PKNOX2: variants seen among roughly 807,000 people sequenced by gnomAD.
PKNOX2 encodes the protein homeobox protein PKNOX2.
Under a neutral mutation model 53.1 loss-of-function variants are expected in PKNOX2, and 14 were observed. That is an observed-to-expected ratio of 0.26 (90% CI 0.17 to 0.41). The LOEUF (loss-of-function observed/expected upper bound fraction) is 0.41, where lower values mean the gene tolerates loss of function less well. Among genes scored for constraint, PKNOX2 ranks in the 10% least tolerant of loss-of-function variants. PKNOX2 has a pLI of 1.00. For synonymous variants in PKNOX2, 257 were observed against 242.8 expected, an observed-to-expected ratio of 1.06 and a Z score of -0.54; for missense variants, 496 against 602.8, an observed-to-expected ratio of 0.82 and a Z score of 1.85.
intron 2 of PKNOX2, among the ~76,000 whole-genome samples, chr11:125,292,607 T>C (rs1947372229): frequency 6.6e-6 from 1 of 152,198 alleles, no homozygotes; most frequent in Non-Finnish European, 1.5e-5. Flanking sequence ...GGGTTCCTAG[T>C]GGGTGCTGCA....
chr11:125,332,327 C>T (rs1419903305), intron 3 of PKNOX2, among the ~76,000 whole-genome samples: 1 of 151,986 alleles, frequency 6.6e-6, no homozygotes, highest in Non-Finnish European at 1.5e-5. Context: ...AGTTCCAGGA[C>T]CCCAAAGCCA....
chr11:125,246,803 C>A (rs1943602039), intron 2 of PKNOX2, among the ~76,000 whole-genome samples: 1 of 152,172 alleles, frequency 6.6e-6, no homozygotes, highest in Non-Finnish European at 1.5e-5. Flanking sequence ...CCCTCTTAGG[C>A]CCTGTGCTTT....
intron 2 of PKNOX2, among the ~76,000 whole-genome samples, chr11:125,265,826 G>T (rs763051346): frequency 6.6e-6 from 1 of 152,170 alleles, no homozygotes; most frequent in Non-Finnish European, 1.5e-5. Flanking sequence ...GGATCCTGAA[G>T]GGGGGAGCTT....
chr11:125,419,358 T>C (rs1265040798), intron 10 of PKNOX2, among the ~76,000 whole-genome samples: 3 of 151,096 alleles, frequency 2.0e-5, no homozygotes, highest in African/African-American at 7.4e-5. Flanking sequence ...TCATTGAGAG[T>C]TCCCATAATT....
intron 7 of PKNOX2, among the ~76,000 whole-genome samples, chr11:125,407,883 G>A (rs1209217782): frequency 1.3e-5 from 2 of 152,326 alleles, no homozygotes; most frequent in South Asian, 2.1e-4. Context: ...CAGTCTCATC[G>A]CTGAAAACTC....
At chr11:125,248,905 CGT>C (rs1491463537) in intron 2 of PKNOX2, among the ~76,000 whole-genome samples, 2 of 105,312 alleles carry the variant, frequency 1.9e-5, no homozygotes, top group African/African-American at 3.1e-5. Flanking sequence ...ATATATATAA[CGT>C]ATATATATAA....
At position 125,382,906 on chromosome 11, in the gene PKNOX2, A is replaced by G. The variant is rs185026590; in HGVS notation, c.228-2645A>G. Among the ~76,000 whole-genome samples the G allele has an allele frequency of 9.2e-5, 14 of 152,298 alleles. No individual in the cohort carries two copies. In the East Asian group the frequency reaches 1.9e-3, roughly 21 times the overall value. On this transcript the variant is annotated intron_variant, in intron 5 of 12. Transcript: ENST00000298282. ...AATGGATCTCCTGGCAGTTTGGGGC[A>G]GCAAATAGGCCACCCTTAAATATTG... is the stretch of plus-strand genomic sequence containing the variant.
chr11:125,208,193 C>G (rs1939377662), intron 1 of PKNOX2, among the ~76,000 whole-genome samples: 1 of 152,054 alleles, frequency 6.6e-6, no homozygotes, highest in African/African-American at 2.4e-5. Flanking sequence ...GGAAAACAGG[C>G]ATTCCAGCAG....
Position 125,351,348 on chromosome 11 carries a change from G to A in PKNOX2, c.43G>A (p.Ala15Thr). Reference sequence around the variant, plus strand: ...CCCAGCCCCCGCTCTGACGATGATGGCCACGCAGAATGTCCCGCCCCCACC... The same window carrying A: ...CCCAGCCCCCGCTCTGACGATGATGACCACGCAGAATGTCCCGCCCCCACC... ...ASPAPALTMMATQNVPPPPYQ... is the reference protein window; with the variant it reads ...ASPAPALTMMTTQNVPPPPYQ... Residue 15 changes from alanine to threonine, a missense_variant, in exon 4 of 13, where the codon GCC becomes ACC. Around this residue, in one of 5 missense-constraint regions of PKNOX2, gnomAD observed 168 missense variants for 178.4 expected, o/e 0.94. Coordinates refer to ENST00000298282, the MANE Select transcript of PKNOX2 (RefSeq NM_001382323.2). 4 of 1,610,662 alleles carry A rather than the reference G, an allele frequency of 2.5e-6. No individual in the cohort carries two copies. Among genetic ancestry groups the A allele is most frequent in the Non-Finnish European group, 3.4e-6 (4 of 1,178,220 alleles).
chr11:125,246,361 A>G lies in PKNOX2; in HGVS notation c.-130+11246A>G, dbSNP rs1311940432. On this transcript the variant is annotated intron_variant, in intron 2 of 12. Transcript: ENST00000298282. ...CCCACTCCCGTGATAAAGGTGGCAC[A>G]CTCATGACCTAAACACCTCTTGAAG... 2.0e-5 allele frequency among the ~76,000 whole-genome samples: 3 copies of G among 152,210 alleles called. No individual in the cohort carries two copies. In the East Asian group the frequency reaches 5.8e-4, roughly 29 times the overall value.
intron 1 of PKNOX2, among the ~76,000 whole-genome samples, chr11:125,227,938 C>G (rs568829250): frequency 6.6e-6 from 1 of 152,172 alleles, no homozygotes; most frequent in East Asian, 1.9e-4. Flanking sequence ...TTTCTACCAG[C>G]CTTGAAAGGC....
chr11:125,418,167 C>T (rs1335495735), intron 10 of PKNOX2, among the ~76,000 whole-genome samples: 1 of 152,004 alleles, frequency 6.6e-6, no homozygotes, highest in African/African-American at 2.4e-5. Context: ...CCCCTGGCAA[C>T]CATGAATTCA....
chr11:125,257,001 T>C (rs1286222621), intron 2 of PKNOX2, among the ~76,000 whole-genome samples: 2 of 144,890 alleles, frequency 1.4e-5, no homozygotes, highest in African/African-American at 4.9e-5. Context: ...GGCTAATCTG[T>C]GTAGGGTTTT....
At chr11:125,421,786 G>A (rs556065750) in intron 10 of PKNOX2, among the ~76,000 whole-genome samples, 3 of 152,346 alleles carry the variant, frequency 2.0e-5, no homozygotes, top group South Asian at 2.1e-4. Context: ...GGCTGCTTAC[G>A]CCCGGAGACC....
chr11:125,424,696 A>G (rs573286116), intron 10 of PKNOX2, among the ~76,000 whole-genome samples: 8 of 152,302 alleles, frequency 5.3e-5, no homozygotes, highest in Non-Finnish European at 8.8e-5. Context: ...GCGGCTTCCC[A>G]TCTGCTGTGT....
chr11:125,412,658 G>A (rs4329700), intron 10 of PKNOX2, among the ~76,000 whole-genome samples: 3 of 152,156 alleles, frequency 2.0e-5, no homozygotes, highest in African/African-American at 7.2e-5. Context: ...GTGTTCTGGG[G>A]TGGGGAGGTA....
intron 2 of PKNOX2, among the ~76,000 whole-genome samples, chr11:125,267,653 C>G (rs751304088): frequency 6.6e-5 from 10 of 152,226 alleles, no homozygotes; most frequent in Non-Finnish European, 1.3e-4. Context: ...GCTCAGATTT[C>G]TACCACAGGT....
intron 2 of PKNOX2, among the ~76,000 whole-genome samples, chr11:125,302,890 C>A (rs898075822): frequency 6.6e-6 from 1 of 152,232 alleles, no homozygotes; most frequent in Non-Finnish European, 1.5e-5. Context: ...GCAGAACCAG[C>A]CAGTGCAGTG....
At chr11:125,312,411 A>G (rs1431735066) in intron 2 of PKNOX2, among the ~76,000 whole-genome samples, 1 of 152,186 alleles carries the variant, frequency 6.6e-6, no homozygotes, top group Non-Finnish European at 1.5e-5. Flanking sequence ...AAGCTGGCTG[A>G]TTTTGAGACT....
Sources: gnomAD v4.1 joint callset for allele counts (sites outside exome capture counted in the v4.1 genomes callset) on GRCh38, gnomAD v4.1.1 for gene constraint, gnomAD v4.1.1 regional missense constraint, MANE v1.5 for transcripts, NCBI Gene and HGNC (gene_info 2026-07-23, HGNC 2026-07-21) for gene names.